The following DTNB variants were observed in gnomAD, a reference collection of about 807,000 sequenced individuals.
The protein encoded by DTNB is DTN-B.
Under a neutral mutation model 90.7 loss-of-function variants are expected in DTNB, and 63 were observed. That is an observed-to-expected ratio of 0.69 (90% CI 0.57 to 0.86). The LOEUF is 0.86. DTNB is among the 40% of genes least tolerant of loss of function. The pLI, the probability that DTNB is intolerant of heterozygous loss-of-function variation, is 0.00. For synonymous variants in DTNB, 277 were observed against 286.7 expected (o/e 0.97, Z 0.34); for missense variants, 744 against 807.1 (o/e 0.92, Z 0.95).
intron 16 of DTNB, among the ~76,000 whole-genome samples, chr2:25,394,697 C>T (rs1014038025): frequency 7.2e-5 from 11 of 152,166 alleles, no homozygotes; most frequent in Admixed American, 3.9e-4. Flanking sequence ...CCACCTTACT[C>T]TTACAAGAAT....
intron 10 of DTNB, among the ~76,000 whole-genome samples, chr2:25,459,666 G>T (rs1285355025): frequency 6.6e-6 from 1 of 151,982 alleles, no homozygotes; most frequent in Admixed American, 6.5e-5. Context: ...GCTAATTTTT[G>T]TATTTTTAGT....
At position 25,532,403 on chromosome 2, in the gene DTNB, G is replaced by GGGGT. The variant is rs1015166445; in HGVS notation, c.877-810_877-807dup. ...ACATGAGGCAGAACATTTGATATTAGGGGTCTGGTTATGCAGTCAGATACA... is the reference window on the plus strand; with the variant it reads ...ACATGAGGCAGAACATTTGATATTAGGGGTGGGTCTGGTTATGCAGTCAGATACA... On this transcript the variant is annotated intron_variant, in intron 8 of 20. Coordinates refer to ENST00000406818, the MANE Select transcript of DTNB (RefSeq NM_021907.5). Among the ~76,000 whole-genome samples the GGGGT allele has an allele frequency of 5.5e-4, 84 of 152,220 alleles. 1 individual carries two copies. The highest frequency in any genetic ancestry group is 2.0e-3 in the African/African-American group (81 of 41,530).
intron 16 of DTNB, among the ~76,000 whole-genome samples, chr2:25,415,899 A>G (rs1160698457): frequency 6.6e-6 from 1 of 152,162 alleles, no homozygotes; most frequent in Non-Finnish European, 1.5e-5. Context: ...TAAAATCACT[A>G]GTAATAGTGA....
At chr2:25,669,766 A>G (rs534147462) in intron 1 of DTNB, among the ~76,000 whole-genome samples, 1 of 152,268 alleles carries the variant, frequency 6.6e-6, no homozygotes, top group South Asian at 2.1e-4. Flanking sequence ...TGCCAGCCTG[A>G]GCAACATGGC....
intron 4 of DTNB, 68 bp downstream of exon 4, chr2:25,628,103 G>T: frequency 6.6e-7 from 1 of 1,526,714 alleles, no homozygotes; most frequent in Non-Finnish European, 9.0e-7. Flanking sequence ...CGGCAGTATG[G>T]AAGAAGAATG....
At chr2:25,556,458 ATT>A (rs2057374131) in intron 8 of DTNB, among the ~76,000 whole-genome samples, 1 of 152,192 alleles carries the variant, frequency 6.6e-6, no homozygotes, top group South Asian at 2.1e-4. Flanking sequence ...TAAAATGAAC[ATT>A]TCCAAAATCG....
intron 16 of DTNB, among the ~76,000 whole-genome samples, chr2:25,390,667 A>T (rs1051776668): frequency 3.9e-5 from 6 of 151,948 alleles, no homozygotes; most frequent in Non-Finnish European, 8.8e-5. Flanking sequence ...GGCTGGCTTC[A>T]AACTCCTGAC....
intron 15 of DTNB, among the ~76,000 whole-genome samples, chr2:25,422,983 AGGAGTTCGAGACCAGCCT>A (rs1206169620): frequency 2.0e-5 from 3 of 152,186 alleles, no homozygotes; most frequent in African/African-American, 4.8e-5. Flanking sequence ...ACCTGAGCTC[AGGAGTTCGAGACCAGCCT>A]GGCCAACATG....
At chr2:25,670,914 A>C (rs562758938) in intron 1 of DTNB, among the ~76,000 whole-genome samples, 1 of 152,244 alleles carries the variant, frequency 6.6e-6, no homozygotes, top group Non-Finnish European at 1.5e-5. Context: ...CACCTGGGAT[A>C]TGAACTATCC....
chr2:25,381,540 C>T (rs1156661011), intron 19 of DTNB, among the ~76,000 whole-genome samples: 3 of 152,136 alleles, frequency 2.0e-5, no homozygotes, highest in East Asian at 1.9e-4. Context: ...CTACCACATC[C>T]GGCTAATTTA....
intron 9 of DTNB, among the ~76,000 whole-genome samples, chr2:25,516,455 G>A (rs950831091): frequency 1.3e-5 from 2 of 151,956 alleles, no homozygotes; most frequent in Non-Finnish European, 2.9e-5. Context: ...GTTTTGCCAT[G>A]TTGCCCATGT....
intron 8 of DTNB, among the ~76,000 whole-genome samples, chr2:25,563,872 A>G (rs2058614863): frequency 6.6e-6 from 1 of 152,180 alleles, no homozygotes; most frequent in African/African-American, 2.4e-5. Flanking sequence ...TGAGTCTTCC[A>G]AATTTGCTAT....
At chr2:25,543,982 C>G (rs918027878) in intron 8 of DTNB, among the ~76,000 whole-genome samples, 1 of 152,148 alleles carries the variant, frequency 6.6e-6, no homozygotes, top group African/African-American at 2.4e-5. Context: ...CCAGGTCTGT[C>G]ACTCTTTTTG....
chr2:25,581,100 TAAGCA>T (rs144817332), intron 6 of DTNB, among the ~76,000 whole-genome samples: 4,296 of 152,292 alleles, frequency 0.028, 88 homozygotes, highest in Non-Finnish European at 0.046. Context: ...ACTTTACAGA[TAAGCA>T]AATAAACCAT....
At chr2:25,566,907 G>A (rs2059128786) in intron 8 of DTNB, among the ~76,000 whole-genome samples, 1 of 152,166 alleles carries the variant, frequency 6.6e-6, no homozygotes, top group African/African-American at 2.4e-5. Context: ...TGAGAAAGCT[G>A]GGCTGAGGCA....
rs957216839 is a variant in DTNB at position 25,387,600 on chromosome 2, C to T, written c.1736-222G>A. The stretch of plus-strand genomic sequence containing the variant: ...GCCCTCTCTACCTAGGGAGCAGCAT[C>T]CTGTCAACTCCACGCTTTGCCGCCA... On this transcript the variant is annotated intron_variant, in intron 17 of 20. Coordinates refer to ENST00000406818, the MANE Select transcript of DTNB (RefSeq NM_021907.5). This position sits in a 1 kb window ranked among gnomAD's most constrained non-coding sequence, Gnocchi z 4.5. 6.6e-6 allele frequency among the ~76,000 whole-genome samples: 1 copy of T among 152,176 alleles called. No individual in the cohort carries two copies. Among genetic ancestry groups the T allele is most frequent in the Non-Finnish European group, 1.5e-5 (1 of 68,020 alleles).
chr2:25,617,920 A>G (rs571607002), intron 4 of DTNB, among the ~76,000 whole-genome samples: 114 of 152,338 alleles, frequency 7.5e-4, no homozygotes, highest in African/African-American at 1.9e-3. Context: ...TACCTACTTT[A>G]AAATTCCAGT....
At chr2:25,643,917 ACGGGTT>A (rs1378756755) in intron 2 of DTNB, among the ~76,000 whole-genome samples, 1 of 152,192 alleles carries the variant, frequency 6.6e-6, no homozygotes. Context: ...TGCTGATAAA[ACGGGTT>A]GCAGTAAAGA....
In DTNB at chr2:25,579,240, A is replaced by G. The variant is rs548754838; in HGVS notation, c.709+1481T>C. ...TGCTCTCCAAAATTTAAATCTATCCAAGAATCCTGTTTTAAAAATTTTGCT... is the reference window on the plus strand; with the variant it reads ...TGCTCTCCAAAATTTAAATCTATCCGAGAATCCTGTTTTAAAAATTTTGCT... On this transcript the variant is annotated intron_variant, in intron 7 of 20. Transcript: ENST00000406818. 2.0e-5 allele frequency among the ~76,000 whole-genome samples: 3 copies of G among 152,348 alleles called. No individual in the cohort carries two copies. In the East Asian group the frequency reaches 5.8e-4, roughly 29 times the overall value.
Sources: gnomAD v4.1 joint callset for allele counts (sites outside exome capture counted in the v4.1 genomes callset) on GRCh38, gnomAD v4.1.1 for gene constraint, Gnocchi (gnomAD v3.1) non-coding constraint, MANE v1.5 for transcripts, NCBI Gene and HGNC (gene_info 2026-07-23, HGNC 2026-07-21) for gene names.